Variants in RANBP1 observed in about 807,000 individuals in gnomAD.
RANBP1 encodes the protein RAN binding protein 1.
A neutral mutation model predicts 31.4 loss-of-function variants in RANBP1; 16 were observed. The ratio of observed to expected loss-of-function variants is 0.51; its 90% CI spans 0.34 to 0.77. The LOEUF (loss-of-function observed/expected upper bound fraction) is 0.77. Ranked by LOEUF, RANBP1 falls within the 30% of genes least tolerant of loss-of-function variation. The pLI, the probability that RANBP1 is intolerant of heterozygous loss-of-function variation, is 0.01. For missense variants in RANBP1, 265 were observed against 362.0 expected, an observed-to-expected ratio of 0.73 and a Z score of 2.17; for synonymous variants, 129 against 140.5, an observed-to-expected ratio of 0.92 and a Z score of 0.58.
intron 3 of RANBP1, chr22:20,124,448 C>G (rs564192660): frequency 1.6e-5 from 2 of 124,228 alleles, no homozygotes; most frequent in African/African-American, 2.8e-5. Context: ...GTAGACGAGA[C>G]CCCCCCCCAG....
At chr22:20,120,603 G>C (rs2050151322) in intron 2 of RANBP1, among the ~76,000 whole-genome samples, 1 of 152,220 alleles carries the variant, frequency 6.6e-6, no homozygotes, top group African/African-American at 2.4e-5. Context: ...GAGGGCGCCA[G>C]CCTGAGCCCT....
At chr22:20,116,524 G>A in intron 1 of RANBP1, 94 bp downstream of exon 1, 1 of 1,608,044 alleles carries the variant, frequency 6.2e-7, no homozygotes, top group Non-Finnish European at 8.5e-7. Flanking sequence ...CTCCTCCAGG[G>A]CTGCCGGGGC....
intron 1 of RANBP1, chr22:20,117,080 C>G: frequency 2.4e-6 from 2 of 832,530 alleles, no homozygotes; most frequent in Non-Finnish European, 3.7e-6. Flanking sequence ...TCGCCCCAGG[C>G]GGGGCGGGAC....
intron 1 of RANBP1, chr22:20,117,993 C>T (rs1390788610): frequency 5.0e-6 from 5 of 998,126 alleles, no homozygotes; most frequent in Admixed American, 6.0e-5. Flanking sequence ...TCCTCCGGCT[C>T]GGCCCACTTG....
intron 1 of RANBP1, chr22:20,116,838 T>G: frequency 4.6e-5 from 35 of 753,536 alleles, no homozygotes; most frequent in Non-Finnish European, 6.3e-5. Context: ...CCCCGCCTCC[T>G]CCCACCCCAT....
chr22:20,122,687 C>G, intron 3 of RANBP1: 1 of 1,363,128 alleles, frequency 7.3e-7, no homozygotes, highest in Non-Finnish European at 9.7e-7. Context: ...AGGCTGGGCT[C>G]GGGACGAGGA....
At position 20,117,145 on chromosome 22, in the gene RANBP1, C is replaced by CGCCA. The variant is rs1383093376; in HGVS notation, c.246+717_246+720dup. The stretch of plus-strand genomic sequence containing the variant: ...CAGGCTTGGGGCTGTACCGCCCGCC[C>CGCCA]GCCAGGGGCCCGCGCCGGCCGCTCG... On this transcript the variant is annotated intron_variant, in intron 1 of 5. Transcript: ENST00000430524. 5.3e-6 allele frequency: 3 copies of CGCCA among 563,674 alleles called. No homozygotes were observed. In the East Asian group the frequency reaches 1.0e-4, roughly 19 times the overall value. The allele number at this position is 563,674 out of a possible 1,614,324, so 34.9% of individuals were successfully genotyped here.
intron 1 of RANBP1, chr22:20,117,488 T>C: frequency 8.3e-7 from 1 of 1,197,926 alleles, no homozygotes; most frequent in Non-Finnish European, 1.0e-6. Context: ...TTCCCGCCGC[T>C]GGGGTCAGGG....
At chr22:20,117,684 G>C in intron 1 of RANBP1, 2 of 1,160,716 alleles carry the variant, frequency 1.7e-6, no homozygotes, top group Non-Finnish European at 1.1e-6. Context: ...GGCCCAAGCG[G>C]GGACAGGGTG....
intron 2 of RANBP1, among the ~76,000 whole-genome samples, chr22:20,120,004 G>A (rs1238267887): frequency 1.3e-5 from 2 of 152,122 alleles, no homozygotes; most frequent in East Asian, 1.9e-4. Flanking sequence ...GTGGCCTGTC[G>A]CCTACACTCA....
intron 4 of RANBP1, among the ~76,000 whole-genome samples, chr22:20,125,772 G>A (rs2147992902): frequency 6.6e-6 from 1 of 152,386 alleles, no homozygotes; most frequent in South Asian, 2.1e-4. Context: ...TCCTCCCAGT[G>A]CTGATCCTCG....
intron 1 of RANBP1, chr22:20,117,043 G>GC: frequency 1.7e-6 from 2 of 1,175,874 alleles, no homozygotes; most frequent in Admixed American, 4.7e-5. Flanking sequence ...CCGGTGCAAC[G>GC]CCGCGAGGTC....
intron 1 of RANBP1, 89 bp from the exon 2 acceptor site, chr22:20,118,924 C>T (rs760424452): frequency 1.3e-5 from 18 of 1,372,266 alleles, no homozygotes; most frequent in Non-Finnish European, 1.6e-5. Flanking sequence ...CCTTCATTGT[C>T]GGAGGGCTGA....
At chr22:20,118,977 A>G in intron 1 of RANBP1, 36 bp from the exon 2 acceptor site, 1 of 1,599,820 alleles carries the variant, frequency 6.3e-7, no homozygotes, top group Non-Finnish European at 8.5e-7. Flanking sequence ...AGCCAGATCC[A>G]TAGGCCAGCA....
intron 4 of RANBP1, 54 bp downstream of exon 4, chr22:20,125,490 C>T (rs762400039): frequency 1.9e-5 from 29 of 1,558,874 alleles, no homozygotes; most frequent in South Asian, 3.5e-5. Flanking sequence ...TGCGTGGCAG[C>T]GTGGCGGGTT....
At chr22:20,122,532 A>G in intron 3 of RANBP1, 111 bp downstream of exon 3, 1 of 1,581,592 alleles carries the variant, frequency 6.3e-7, no homozygotes, top group Non-Finnish European at 8.6e-7. Flanking sequence ...ATGGAGTGCA[A>G]GTTTGTGGTG....
rs536598527 is a variant in RANBP1 at position 20,121,646 on chromosome 22, G to A, written c.384-618G>A. ...TGCAGCCTTGAACTCCTGCGCTCAA[G>A]GGATCCTCCTCCCTCTGCCTCTTGA... is the stretch of plus-strand genomic sequence containing the variant. On this transcript the variant is annotated intron_variant, in intron 2 of 5. Transcript: ENST00000430524. Among the ~76,000 whole-genome samples the A allele has an allele frequency of 2.0e-5, 3 of 152,258 alleles. No homozygotes were observed. The East Asian group carries it at 5.8e-4, about 29-fold the overall frequency.
chr22:20,121,194 C>A (rs1039832119), intron 2 of RANBP1, among the ~76,000 whole-genome samples: 1 of 151,938 alleles, frequency 6.6e-6, no homozygotes, highest in South Asian at 2.1e-4. Flanking sequence ...ACCTCATGAT[C>A]CACCTGCCTT....
At chr22:20,123,075 T>C (rs1303259347) in intron 3 of RANBP1, among the ~76,000 whole-genome samples, 3 of 91,564 alleles carry the variant, frequency 3.3e-5, no homozygotes, top group Admixed American at 1.2e-4. Context: ...TCTGGGTGTT[T>C]GGTGTTTGGG....
Sources: allele counts gnomAD v4.1 joint callset (sites outside exome capture counted in the v4.1 genomes callset), GRCh38; gene constraint gnomAD v4.1.1; transcripts MANE v1.5; gene names NCBI Gene and HGNC (gene_info 2026-07-23, HGNC 2026-07-21).